PRKCE: variants seen among roughly 807,000 people sequenced by gnomAD.
PRKCE encodes the protein protein kinase C epsilon, also known as protein kinase C epsilon type.
PRKCE carries 16 observed loss-of-function variants against 85.4 expected under a neutral mutation model. The ratio of observed to expected loss-of-function variants is 0.19; its 90% CI spans 0.13 to 0.28. The LOEUF is 0.28. PRKCE is among the 10% of genes least tolerant of loss of function. The pLI is 1.00. For missense variants in PRKCE, 573 were observed against 975.2 expected (o/e 0.59, Z 5.49); for synonymous variants, 388 against 371.5 (o/e 1.04, Z -0.51).
At chr2:45,824,133 G>A (rs1689753649) in intron 1 of PRKCE, among the ~76,000 whole-genome samples, 1 of 152,246 alleles carries the variant, frequency 6.6e-6, no homozygotes, top group Non-Finnish European at 1.5e-5. Flanking sequence ...TACTATGTTT[G>A]TTGGTGGAGA....
chr2:45,671,241 C>T (rs1333455235), intron 1 of PRKCE, among the ~76,000 whole-genome samples: 3 of 152,140 alleles, frequency 2.0e-5, no homozygotes, highest in East Asian at 1.9e-4. Context: ...ATATTCAAAG[C>T]GGGAATTAAG....
chr2:46,022,963 G>T (rs1706795836), intron 10 of PRKCE, among the ~76,000 whole-genome samples: 3 of 151,674 alleles, frequency 2.0e-5, no homozygotes, highest in African/African-American at 7.3e-5. Flanking sequence ...GGCGCCTGTA[G>T]TCCCAGCTAC....
intron 2 of PRKCE, among the ~76,000 whole-genome samples, chr2:45,897,894 A>G (rs142876199): frequency 6.6e-6 from 1 of 152,346 alleles, no homozygotes; most frequent in Non-Finnish European, 1.5e-5. Flanking sequence ...CAAGGGCATG[A>G]TGAGACACCC....
At position 46,138,426 on chromosome 2, in the gene PRKCE, A is replaced by C. The variant is rs1438394275; in HGVS notation, c.1593-6667A>C. Among the ~76,000 whole-genome samples the C allele has an allele frequency of 6.6e-6, 1 of 152,224 alleles. No homozygotes were observed. The highest frequency in any genetic ancestry group is 1.5e-5 in the Non-Finnish European group (1 of 68,032). On this transcript the variant is annotated intron_variant, in intron 11 of 14. Transcript: ENST00000306156. The surrounding 1 kb of genome is among the most constrained non-coding windows in gnomAD (Gnocchi z 4.2). ...AGACAAGTTACCTTTTCTGAGCCTC[A>C]GTTTCCTCATACATTTAAACATGTG...
chr2:46,142,958 A>G (rs913844683), intron 11 of PRKCE, among the ~76,000 whole-genome samples: 1 of 152,182 alleles, frequency 6.6e-6, no homozygotes, highest in Non-Finnish European at 1.5e-5. Context: ...GGTATTTTAT[A>G]AAGTTGGGCT....
intron 2 of PRKCE, among the ~76,000 whole-genome samples, chr2:45,956,730 G>A (rs1003029149): frequency 6.6e-6 from 1 of 152,054 alleles, no homozygotes; most frequent in African/African-American, 2.4e-5. Context: ...CAAAGTGACA[G>A]GACCATTTTG....
intron 14 of PRKCE, among the ~76,000 whole-genome samples, chr2:46,173,226 T>C (rs1361977388): frequency 1.3e-5 from 2 of 152,252 alleles, no homozygotes; most frequent in African/African-American, 2.4e-5. Context: ...CAAACATCAG[T>C]GCCCATAAAG....
chr2:46,104,296 CT>C lies in PRKCE; in HGVS notation c.1592+17952del, dbSNP rs59018550. ...CTATCTTGAAACCCTTCACCTTGTACTTTTTTTTTTTTTTTTTTGCCATATC... is the reference window on the plus strand; with the variant it reads ...CTATCTTGAAACCCTTCACCTTGTACTTTTTTTTTTTTTTTTTGCCATATC... On this transcript the variant is annotated intron_variant, in intron 11 of 14. Transcript: ENST00000306156. Among the ~76,000 whole-genome samples, 878 of 118,496 alleles carry C rather than the reference CT, an allele frequency of 7.4e-3. 11 individuals are homozygous for C. Among genetic ancestry groups the C allele is most frequent in the African/African-American group, 0.024 (742 of 30,998 alleles). 77.7% of individuals were successfully genotyped at this position (118,496 alleles called of 152,430 possible). A position where few individuals can be genotyped will look rare whatever the true frequency, so the allele number is the denominator to read the frequency against.
intron 2 of PRKCE, among the ~76,000 whole-genome samples, chr2:45,975,265 G>C (rs1702371854): frequency 6.6e-6 from 1 of 152,202 alleles, no homozygotes; most frequent in Non-Finnish European, 1.5e-5. Context: ...TTGCCAGAGC[G>C]TAAGCCCACG....
chr2:45,901,051 A>AG (rs894131648), intron 2 of PRKCE, among the ~76,000 whole-genome samples: 7 of 152,218 alleles, frequency 4.6e-5, no homozygotes, highest in African/African-American at 1.4e-4. Flanking sequence ...TGGGTTGGCT[A>AG]GGGAAAGATT....
intron 14 of PRKCE, among the ~76,000 whole-genome samples, chr2:46,165,364 T>A (rs1678234299): frequency 1.3e-5 from 2 of 152,206 alleles, no homozygotes; most frequent in Non-Finnish European, 2.9e-5. Flanking sequence ...TGCACCATCA[T>A]GTACTCAAGT....
intron 10 of PRKCE, among the ~76,000 whole-genome samples, chr2:46,045,708 G>A (rs1708481693): frequency 6.6e-6 from 1 of 152,052 alleles, no homozygotes; most frequent in Admixed American, 6.6e-5. Context: ...GTGAAGCCCT[G>A]TCTTCACTAA....
At chr2:46,039,875 A>G (rs892211883) in intron 10 of PRKCE, among the ~76,000 whole-genome samples, 12 of 152,122 alleles carry the variant, frequency 7.9e-5, no homozygotes, top group Non-Finnish European at 1.5e-4. Context: ...GTCTGCCCTC[A>G]GTGGGGTTAT....
intron 5 of PRKCE, 35 bp from the exon 6 acceptor site, chr2:45,984,516 C>T: frequency 6.3e-7 from 1 of 1,594,512 alleles, no homozygotes. Flanking sequence ...AACTGAGGAG[C>T]TCGGTGGTGA....
At chr2:45,873,441 T>C (rs1036140226) in intron 2 of PRKCE, among the ~76,000 whole-genome samples, 9 of 135,098 alleles carry the variant, frequency 6.7e-5, no homozygotes, top group African/African-American at 5.6e-5. Flanking sequence ...CAAGACCACA[T>C]AGATAGTAGA....
rs1338173441 is a variant in PRKCE at position 45,652,460 on chromosome 2, G to A, written c.348+12G>A. ...ACTTCGAGGACTGGGTGAGTGCGGCGCCTCCCCGTCATTCCGGGAACCCGG... is the reference window on the plus strand; with the variant it reads ...ACTTCGAGGACTGGGTGAGTGCGGCACCTCCCCGTCATTCCGGGAACCCGG... On this transcript the variant is annotated intron_variant, in intron 1 of 14. Transcript: ENST00000306156. This position sits in a 1 kb window ranked among gnomAD's most constrained non-coding sequence, Gnocchi z 7.7. The A allele has an allele frequency of 1.3e-6, 2 of 1,596,758 alleles. No homozygotes were observed. Among genetic ancestry groups the A allele is most frequent in the Non-Finnish European group, 8.5e-7 (1 of 1,173,006 alleles).
intron 10 of PRKCE, among the ~76,000 whole-genome samples, chr2:46,080,972 TACACACACACAC>T (rs112421012): frequency 0.01 from 1,496 of 147,680 alleles, 27 homozygotes; most frequent in African/African-American, 0.036. Flanking sequence ...CAGTTATGCA[TACACACACACAC>T]ACACACACAC....
At chr2:46,022,967 C>T (rs1311392690) in intron 10 of PRKCE, among the ~76,000 whole-genome samples, 1 of 151,032 alleles carries the variant, frequency 6.6e-6, no homozygotes, top group Non-Finnish European at 1.5e-5. Flanking sequence ...CCTGTAGTCC[C>T]AGCTACTGGG....
chr2:45,827,145 A>T (rs1340670892), intron 1 of PRKCE, among the ~76,000 whole-genome samples: 1 of 152,014 alleles, frequency 6.6e-6, no homozygotes, highest in African/African-American at 2.4e-5. Flanking sequence ...CTCCAGTCAC[A>T]CCCGTCTGCT....
Sources: allele counts gnomAD v4.1 joint callset (sites outside exome capture counted in the v4.1 genomes callset), GRCh38; gene constraint gnomAD v4.1.1; non-coding constraint Gnocchi (gnomAD v3.1); transcripts MANE v1.5; gene names NCBI Gene and HGNC (gene_info 2026-07-23, HGNC 2026-07-21).